Variants in RARB observed in about 807,000 individuals in gnomAD.
RARB encodes the protein HBV-activated protein.
Under a neutral mutation model 51.9 loss-of-function variants are expected in RARB, and 17 were observed. That is an observed-to-expected ratio of 0.33 (90% CI 0.22 to 0.49). The LOEUF is 0.49. Among genes scored for constraint, RARB ranks in the 20% least tolerant of loss-of-function variants. RARB has a pLI of 0.99. For missense variants in RARB, 369 were observed against 550.8 expected (o/e 0.67, Z 3.30); for synonymous variants, 215 against 195.4 (o/e 1.10, Z -0.84).
chr3:24,936,040 T>C (rs946465014), intron 2 of RARB, among the ~76,000 whole-genome samples: 21 of 152,118 alleles, frequency 1.4e-4, no homozygotes, highest in African/African-American at 5.1e-4. Flanking sequence ...GAAAATAGTG[T>C]AGTTGCTGAG....
chr3:25,475,847 G>T (rs1695919536), intron 2 of RARB, among the ~76,000 whole-genome samples: 1 of 152,176 alleles, frequency 6.6e-6, no homozygotes, highest in African/African-American at 2.4e-5. Flanking sequence ...TCACAGTTGA[G>T]GCCCTAACTC....
intron 1 of RARB, among the ~76,000 whole-genome samples, chr3:24,844,271 C>T (rs1702458688): frequency 6.6e-6 from 1 of 152,308 alleles, no homozygotes; most frequent in Admixed American, 6.5e-5. Flanking sequence ...AGAACAAAGG[C>T]CTGGGAGCAC....
intron 3 of RARB, among the ~76,000 whole-genome samples, chr3:25,538,792 G>A (rs948399883): frequency 2.0e-5 from 3 of 152,318 alleles, no homozygotes; most frequent in South Asian, 2.1e-4. Flanking sequence ...GTGCAACACC[G>A]AATGAGATGC....
At chr3:25,148,571 A>G (rs1700231767) in intron 4 of RARB, among the ~76,000 whole-genome samples, 1 of 152,186 alleles carries the variant, frequency 6.6e-6, no homozygotes, top group African/African-American at 2.4e-5. Context: ...CTAAGTAATC[A>G]CTGTCGCTGT....
chr3:25,380,665 T>C (rs1358850812), intron 5 of RARB, among the ~76,000 whole-genome samples: 1 of 152,198 alleles, frequency 6.6e-6, no homozygotes, highest in Admixed American at 6.6e-5. Flanking sequence ...TCCTGTATTT[T>C]AAAAGATTGC....
chr3:25,057,808 AT>A (rs903612172), intron 2 of RARB, among the ~76,000 whole-genome samples: 48 of 151,580 alleles, frequency 3.2e-4, no homozygotes, highest in African/African-American at 8.2e-4. Context: ...AATAAATTGA[AT>A]TTTTTTTTAC....
intron 3 of RARB, among the ~76,000 whole-genome samples, chr3:25,127,443 G>A (rs929967381): frequency 6.6e-6 from 1 of 152,100 alleles, no homozygotes; most frequent in African/African-American, 2.4e-5. Context: ...GCTCCTCAAG[G>A]CCCTTTGTAA....
chr3:25,549,491 A>G (rs1185703010), intron 3 of RARB, among the ~76,000 whole-genome samples: 1 of 152,214 alleles, frequency 6.6e-6, no homozygotes, highest in African/African-American at 2.4e-5. Flanking sequence ...TCTGATGACC[A>G]GAAGCTTGCC....
At chr3:25,087,691 C>G (rs1396094012) in intron 3 of RARB, among the ~76,000 whole-genome samples, 1 of 152,024 alleles carries the variant, frequency 6.6e-6, no homozygotes, top group African/African-American at 2.4e-5. Flanking sequence ...AATTGTTATT[C>G]ATTCTCTCAC....
intron 2 of RARB, among the ~76,000 whole-genome samples, chr3:24,911,883 A>G (rs1438895635): frequency 6.6e-6 from 1 of 152,212 alleles, no homozygotes; most frequent in Non-Finnish European, 1.5e-5. Flanking sequence ...TTTTCAAAGC[A>G]TCTTGTGATA....
intron 5 of RARB, among the ~76,000 whole-genome samples, chr3:25,286,338 T>A (rs895014108): frequency 2.6e-5 from 4 of 152,164 alleles, no homozygotes; most frequent in Non-Finnish European, 5.9e-5. Context: ...TCCACCCGCC[T>A]TGGCCTCCCA....
At chr3:25,485,807 G>A (rs987463896) in intron 2 of RARB, among the ~76,000 whole-genome samples, 1 of 152,210 alleles carries the variant, frequency 6.6e-6, no homozygotes, top group South Asian at 2.1e-4. Context: ...CAGAGGCAGA[G>A]CATTCCTGGC....
intron 5 of RARB, among the ~76,000 whole-genome samples, chr3:25,355,451 C>T (rs1011920749): frequency 1.2e-4 from 19 of 152,138 alleles, no homozygotes; most frequent in African/African-American, 4.3e-4. Flanking sequence ...TGAAGCACTT[C>T]AGTCATAGCC....
chr3:25,578,497 T>C (rs543577342), intron 4 of RARB, among the ~76,000 whole-genome samples: 11 of 152,350 alleles, frequency 7.2e-5, no homozygotes, highest in Non-Finnish European at 1.6e-4. Flanking sequence ...AGATGGATAC[T>C]CTATTGTAAA....
chr3:25,179,314 T>C (rs1559494426), intron 5 of RARB, among the ~76,000 whole-genome samples: 1 of 152,260 alleles, frequency 6.6e-6, no homozygotes, highest in East Asian at 1.9e-4. Flanking sequence ...TTTAAGTATA[T>C]GCAGATTGAT....
intron 2 of RARB, chr3:25,025,077 AG>A (rs1375630110): frequency 6.6e-6 from 1 of 152,072 alleles, no homozygotes; most frequent in Non-Finnish European, 1.5e-5. Context: ...GGGCCTGGTT[AG>A]TACTTGGATG....
At chr3:24,947,680 T>C (rs1695804162) in intron 2 of RARB, among the ~76,000 whole-genome samples, 1 of 152,196 alleles carries the variant, frequency 6.6e-6, no homozygotes, top group Non-Finnish European at 1.5e-5. Flanking sequence ...AGTAGCATGA[T>C]TGGTTTCCTT....
chr3:24,900,049 A>G (rs1204422982), intron 2 of RARB, among the ~76,000 whole-genome samples: 3 of 152,208 alleles, frequency 2.0e-5, no homozygotes, highest in African/African-American at 7.2e-5. Context: ...TTCAGTCTTG[A>G]TTGATGTTAT....
At chr3:24,965,630 A>G (rs1696238270) in intron 2 of RARB, among the ~76,000 whole-genome samples, 1 of 152,156 alleles carries the variant, frequency 6.6e-6, no homozygotes, top group Non-Finnish European at 1.5e-5. Context: ...CTGTTTTGCC[A>G]CCTATAAAAT....
Sources: gnomAD v4.1 joint callset for allele counts (sites outside exome capture counted in the v4.1 genomes callset) on GRCh38, gnomAD v4.1.1 for gene constraint, MANE v1.5 for transcripts, NCBI Gene and HGNC (gene_info 2026-07-23, HGNC 2026-07-21) for gene names.